INTU: variants seen among roughly 807,000 people sequenced by gnomAD.
The protein encoded by INTU is protein inturned.
A neutral mutation model predicts 100.5 loss-of-function variants in INTU; 68 were observed. That is an observed-to-expected ratio of 0.68 (90% CI 0.56 to 0.83). The LOEUF is 0.83. INTU is among the 40% of genes least tolerant of loss of function. INTU has a pLI of 0.00. For synonymous variants in INTU, 357 were observed against 395.7 expected (o/e 0.90, Z 1.16); for missense variants, 1,071 against 1,114.7 (o/e 0.96, Z 0.56).
chr4:127,667,576 C>T (rs887865349), intron 4 of INTU, among the ~76,000 whole-genome samples: 9 of 151,818 alleles, frequency 5.9e-5, no homozygotes, highest in Non-Finnish European at 1.0e-4. Context: ...TTGGAGATTT[C>T]GAAAAACTAT....
chr4:127,708,118 T>G (rs1730962277), intron 12 of INTU, among the ~76,000 whole-genome samples: 1 of 152,184 alleles, frequency 6.6e-6, no homozygotes, highest in Non-Finnish European at 1.5e-5. Context: ...TAAAAAGATT[T>G]GGACAGATTA....
chr4:127,673,996 TGAAAA>T (rs1354240253), intron 5 of INTU, 123 bp from the exon 6 acceptor site: 5 of 485,560 alleles, frequency 1.0e-5, no homozygotes, highest in African/African-American at 8.0e-5. Context: ...GACAGGAATA[TGAAAA>T]GAAATCACTT....
chr4:127,705,437 A>G (rs1031417836), intron 10 of INTU, among the ~76,000 whole-genome samples, 154 bp from the exon 11 acceptor site: 2 of 152,238 alleles, frequency 1.3e-5, no homozygotes, highest in African/African-American at 4.8e-5. Flanking sequence ...CCTCAAGAAA[A>G]GAAACATTTA....
chr4:127,701,223 C>T (rs1345519749), intron 9 of INTU, among the ~76,000 whole-genome samples: 1 of 152,078 alleles, frequency 6.6e-6, no homozygotes, highest in Non-Finnish European at 1.5e-5. Context: ...TTGCAGTCAG[C>T]AAAATCCAGA....
intron 2 of INTU, among the ~76,000 whole-genome samples, chr4:127,651,949 G>A (rs1345580057): frequency 1.3e-5 from 2 of 150,626 alleles, no homozygotes; most frequent in Non-Finnish European, 3.0e-5. Context: ...CTTGTAAGTT[G>A]GATCCCTAGG....
At position 127,704,288 on chromosome 4, in the gene INTU, A is replaced by G. The variant is rs1560616224; in HGVS notation, c.1564A>G (p.Lys522Glu). The G allele has an allele frequency of 1.2e-6, 2 of 1,608,526 alleles. No homozygotes were observed. The highest frequency in any genetic ancestry group is 1.7e-6 in the Non-Finnish European group (2 of 1,176,478). Residue 522 changes from lysine to glutamate, a missense_variant and splice_region_variant, in exon 10 of 16, where the codon AAG (lysine) becomes GAG (glutamate). Transcript: ENST00000335251. ...YTILGSSLFY[K>E]GYLICSHLPK... ...AATTTTGGGGTCTTCTCTATTTTAC[A>G]AGGTAAGTTGAAGCTTGAAGTCTAA...
intron 13 of INTU, among the ~76,000 whole-genome samples, chr4:127,710,673 T>G (rs1025010603): frequency 6.6e-6 from 1 of 152,210 alleles, no homozygotes; most frequent in African/African-American, 2.4e-5. Context: ...GAGGTTTACT[T>G]ATCCTTGCAT....
intron 1 of INTU, among the ~76,000 whole-genome samples, chr4:127,642,794 A>G (rs1421374037): frequency 6.6e-6 from 1 of 151,722 alleles, no homozygotes; most frequent in African/African-American, 2.4e-5. Flanking sequence ...TTTCAGTGGC[A>G]TACTTCCCAG....
At chr4:127,672,650 T>C (rs73847038) in intron 5 of INTU, among the ~76,000 whole-genome samples, 2,555 of 152,142 alleles carry the variant, frequency 0.017, 63 homozygotes, top group African/African-American at 0.058. Context: ...TCCTTAGCAA[T>C]GTGTGTATCT....
intron 9 of INTU, among the ~76,000 whole-genome samples, chr4:127,702,154 T>C (rs1467806702): frequency 1.3e-5 from 2 of 151,966 alleles, no homozygotes; most frequent in African/African-American, 2.4e-5. Context: ...ATATTTTCTA[T>C]GGTTAAAAAA....
intron 9 of INTU, among the ~76,000 whole-genome samples, chr4:127,703,543 T>C (rs1289274980): frequency 1.3e-5 from 2 of 152,192 alleles, no homozygotes; most frequent in Non-Finnish European, 2.9e-5. Flanking sequence ...TGATAACATA[T>C]ATTTTGTTCT....
chr4:127,650,515 C>A (rs1578539808), intron 2 of INTU, among the ~76,000 whole-genome samples: 1 of 151,656 alleles, frequency 6.6e-6, no homozygotes, highest in East Asian at 1.9e-4. Flanking sequence ...AGAATGATTT[C>A]CAATTTCACC....
chr4:127,719,061 G>A lies in INTU; in HGVS notation c.*2625G>A, dbSNP rs2148743367. 6.6e-6 allele frequency: 1 copy of A among 152,256 alleles called. No homozygotes were observed. Among genetic ancestry groups the A allele is most frequent in the East Asian group, 1.9e-4 (1 of 5,182 alleles). The allele number at this position is 152,256 out of a possible 1,614,324, so 9.4% of individuals were successfully genotyped here. A position where few individuals can be genotyped will look rare whatever the true frequency, so the allele number is the denominator to read the frequency against. On this transcript the variant is annotated 3_prime_UTR_variant, in exon 16 of 16. Transcript: ENST00000335251. ...GAGAGGTCATCCTTGTCTTGTGCTGGTTTTCAAGGGGAGTGCTTCCAGCTT... is the reference window on the plus strand; with the variant it reads ...GAGAGGTCATCCTTGTCTTGTGCTGATTTTCAAGGGGAGTGCTTCCAGCTT...
intron 5 of INTU, among the ~76,000 whole-genome samples, chr4:127,670,740 C>G (rs1244025251): frequency 2.0e-5 from 3 of 151,990 alleles, no homozygotes; most frequent in African/African-American, 4.8e-5. Context: ...TAACCCAAAA[C>G]AGCATGGTAC....
In INTU at chr4:127,725,610, G is replaced by C. The variant is rs1358524843; in HGVS notation, c.*9174G>C. On this transcript the variant is annotated 3_prime_UTR_variant, in exon 16 of 16. Transcript: ENST00000335251. ...TTTTTGTTTCATTTAATGAAATTTT[G>C]ATGTGTTGAACTGCTTTCCTGGTGT... is the stretch of plus-strand genomic sequence containing the variant. The C allele has an allele frequency of 2.0e-5, 3 of 152,098 alleles. No homozygotes were observed. The East Asian group carries it at 5.8e-4, about 29-fold the overall frequency. The allele number at this position is 152,098 out of a possible 1,614,324, so 9.4% of individuals were successfully genotyped here. A position where few individuals can be genotyped will look rare whatever the true frequency, so the allele number is the denominator to read the frequency against.
At chr4:127,700,116 A>G (rs1352168893) in intron 9 of INTU, 53 bp downstream of exon 9, 1 of 1,348,508 alleles carries the variant, frequency 7.4e-7, no homozygotes, top group East Asian at 2.3e-5. Flanking sequence ...TATTTTGTAT[A>G]ACAGTCATTA....
At chr4:127,678,570 C>T (rs1442105971) in intron 6 of INTU, among the ~76,000 whole-genome samples, 1 of 152,122 alleles carries the variant, frequency 6.6e-6, no homozygotes, top group African/African-American at 2.4e-5. Flanking sequence ...TTGTCACCAC[C>T]AGGCCTGCCC....
At chr4:127,713,398 A>G (rs2148738464) in intron 14 of INTU, among the ~76,000 whole-genome samples, 1 of 152,362 alleles carries the variant, frequency 6.6e-6, no homozygotes, top group South Asian at 2.1e-4. Flanking sequence ...AAGCCTTTAT[A>G]GTCCAAATGA....
intron 8 of INTU, among the ~76,000 whole-genome samples, chr4:127,692,874 T>G (rs999755861): frequency 5.9e-5 from 9 of 152,176 alleles, no homozygotes; most frequent in African/African-American, 2.2e-4. Context: ...TTTGTTTACT[T>G]TGTCAAAGAT....
Sources: allele counts gnomAD v4.1 joint callset (sites outside exome capture counted in the v4.1 genomes callset), GRCh38; gene constraint gnomAD v4.1.1; transcripts MANE v1.5; gene names NCBI Gene and HGNC (gene_info 2026-07-23, HGNC 2026-07-21).